The following CPXM2 variants were observed in gnomAD, a reference collection of about 807,000 sequenced individuals.
CPXM2 encodes the protein carboxypeptidase X, M14 family member 2.
A neutral mutation model predicts 86.1 loss-of-function variants in CPXM2; 66 were observed. The observed-to-expected ratio is 0.77, with a 90% CI of 0.63 to 0.94. CPXM2 has a LOEUF of 0.94. Ranked by LOEUF, CPXM2 falls within the 40% of genes least tolerant of loss-of-function variation. CPXM2 has a pLI of 0.00. For missense variants in CPXM2, 948 were observed against 1,026.3 expected, an observed-to-expected ratio of 0.92 and a Z score of 1.04; for synonymous variants, 388 against 400.2, an observed-to-expected ratio of 0.97 and a Z score of 0.36.
chr10:123,767,569 A>C (rs990762328), intron 9 of CPXM2, among the ~76,000 whole-genome samples: 4 of 152,164 alleles, frequency 2.6e-5, no homozygotes, highest in Admixed American at 1.3e-4. Flanking sequence ...TTCCTAACTG[A>C]CTATATCTGC....
chr10:123,810,065 CA>C (rs139180993), intron 4 of CPXM2, among the ~76,000 whole-genome samples: 1,913 of 151,756 alleles, frequency 0.013, 41 homozygotes, highest in African/African-American at 0.044. Context: ...TCCATAAAAG[CA>C]AATACTAAAA....
chr10:123,827,951 C>A (rs1475292611), intron 4 of CPXM2, among the ~76,000 whole-genome samples: 1 of 151,964 alleles, frequency 6.6e-6, no homozygotes, highest in Non-Finnish European at 1.5e-5. Flanking sequence ...ATTACCTAAG[C>A]CCAGGAATTT....
chr10:123,761,733 C>T, intron 11 of CPXM2, 139 bp downstream of exon 11: 2 of 753,550 alleles, frequency 2.7e-6, no homozygotes, highest in Non-Finnish European at 4.3e-6. Context: ...TAGGAAAGTG[C>T]TGGCAGGTCC....
At chr10:123,755,715 T>C (rs1846190541) in intron 12 of CPXM2, among the ~76,000 whole-genome samples, 1 of 152,184 alleles carries the variant, frequency 6.6e-6, no homozygotes, top group South Asian at 2.1e-4. Flanking sequence ...ACTCAAACCT[T>C]ATGCCTCAGT....
At chr10:123,924,877 A>G (rs1341725036) in intron 2 of CPXM2, among the ~76,000 whole-genome samples, 1 of 152,156 alleles carries the variant, frequency 6.6e-6, no homozygotes, top group East Asian at 1.9e-4. Flanking sequence ...TCAGGGTCAA[A>G]GACCCTGATT....
chr10:123,783,554 G>A (rs1846983362), intron 6 of CPXM2, among the ~76,000 whole-genome samples: 1 of 152,164 alleles, frequency 6.6e-6, no homozygotes, highest in South Asian at 2.1e-4. Flanking sequence ...GCCCTTGGAG[G>A]GTAGGATGTG....
intron 4 of CPXM2, among the ~76,000 whole-genome samples, chr10:123,815,059 T>A (rs556768872): frequency 6.6e-6 from 1 of 152,146 alleles, no homozygotes; most frequent in African/African-American, 2.4e-5. Flanking sequence ...ATAAATACAT[T>A]TGACACTCCT....
chr10:123,772,418 GCCCTGGGTGTAGTTATCACCT>G (rs1269843567), intron 7 of CPXM2, among the ~76,000 whole-genome samples: 12 of 138,706 alleles, frequency 8.7e-5, no homozygotes, highest in Non-Finnish European at 1.4e-4. Context: ...GGTTATCACT[GCCCTGGGTGTAGTTATCACCT>G]CCCTGGGTGT....
intron 7 of CPXM2, among the ~76,000 whole-genome samples, chr10:123,772,813 A>G (rs955591080): frequency 7.4e-5 from 11 of 149,254 alleles, no homozygotes; most frequent in African/African-American, 2.7e-4. Context: ...TGTGGCTATC[A>G]CTTCCCTGGT....
In CPXM2 at chr10:123,746,637, T is replaced by C. The variant is rs1204580369; in HGVS notation, c.*127A>G. The stretch of plus-strand genomic sequence containing the variant: ...TTCCCTTTTGGGACCTGCCTCACAA[T>C]GCACCCTCTCTTCCAGGCACTTCTT... On this transcript the variant is annotated 3_prime_UTR_variant, in exon 14 of 14. Coordinates refer to ENST00000241305, the MANE Select transcript of CPXM2 (RefSeq NM_198148.3). 1 of 906,212 alleles carries C rather than the reference T, an allele frequency of 1.1e-6. No individual in the cohort carries two copies. The highest frequency in any genetic ancestry group is 2.4e-5 in the East Asian group (1 of 41,120). 56.1% of individuals were successfully genotyped at this position (906,212 alleles called of 1,614,324 possible). A position where few individuals can be genotyped will look rare whatever the true frequency, so the allele number is the denominator to read the frequency against.
Position 123,754,937 on chromosome 10 carries a change from T to C in CPXM2, c.1918-175A>G, listed in dbSNP as rs1314192521. Among the ~76,000 whole-genome samples, 1 of 152,098 alleles carries C rather than the reference T, an allele frequency of 6.6e-6. No individual in the cohort carries two copies. The highest frequency in any genetic ancestry group is 1.5e-5 in the Non-Finnish European group (1 of 68,018). On this transcript the variant is annotated intron_variant, in intron 12 of 13. Coordinates refer to ENST00000241305, the MANE Select transcript of CPXM2 (RefSeq NM_198148.3). This position sits in a 1 kb window ranked among gnomAD's most constrained non-coding sequence, Gnocchi z 4.0. ...AAGCAGTTCATTGCTCACTGCATTGTTGGGTTCAATTAACAAGGGCGAGGT... is the reference window on the plus strand; with the variant it reads ...AAGCAGTTCATTGCTCACTGCATTGCTGGGTTCAATTAACAAGGGCGAGGT...
intron 2 of CPXM2, among the ~76,000 whole-genome samples, chr10:123,876,961 A>G (rs555179449): frequency 2.0e-5 from 3 of 152,358 alleles, no homozygotes; most frequent in Admixed American, 2.0e-4. Flanking sequence ...TAACTTATCC[A>G]AAGTCTCAAG....
intron 6 of CPXM2, among the ~76,000 whole-genome samples, chr10:123,787,362 A>G (rs538447155): frequency 9.0e-4 from 137 of 151,668 alleles, no homozygotes; most frequent in Non-Finnish European, 1.3e-3. Context: ...TGAGCCCCAA[A>G]CCAAGTGCCT....
chr10:123,875,519 C>A (rs80001141), intron 2 of CPXM2, among the ~76,000 whole-genome samples: 6,141 of 152,274 alleles, frequency 0.04, 169 homozygotes, highest in East Asian at 0.11. Context: ...GACCCAACTT[C>A]GCCCCAGGGA....
At chr10:123,882,757 G>T (rs1945112640) in intron 1 of CPXM2, among the ~76,000 whole-genome samples, 1 of 151,124 alleles carries the variant, frequency 6.6e-6, no homozygotes, top group Non-Finnish European at 1.5e-5. Context: ...GGCCTGGACA[G>T]CTTCCAATGA....
chr10:123,885,953 C>T lies in CPXM2; in HGVS notation c.304+5403G>A, dbSNP rs1945172184. On this transcript the variant is annotated intron_variant, in intron 1 of 13. Transcript: ENST00000241305. This position sits in a 1 kb window ranked among gnomAD's most constrained non-coding sequence, Gnocchi z 4.0. ...CAGCTTTCGCAAACGTGGGTGTGTC[C>T]TCCTTTATTATCCATGCGCGAGCCC... Among the ~76,000 whole-genome samples, 1 of 152,244 alleles carries T rather than the reference C, an allele frequency of 6.6e-6. No homozygotes were observed. Among genetic ancestry groups the T allele is most frequent in the South Asian group, 2.1e-4 (1 of 4,836 alleles).
chr10:123,919,406 G>A (rs892900904), intron 2 of CPXM2, among the ~76,000 whole-genome samples: 2 of 152,120 alleles, frequency 1.3e-5, no homozygotes, highest in African/African-American at 4.8e-5. Context: ...AACATACTAA[G>A]AACCAGATAC....
chr10:123,863,652 C>T (rs919159819), intron 2 of CPXM2, among the ~76,000 whole-genome samples: 7 of 152,200 alleles, frequency 4.6e-5, no homozygotes, highest in Admixed American at 2.0e-4. Flanking sequence ...AATCCTCACA[C>T]GACATACTCA....
chr10:123,936,922 G>A (rs1945726064), intron 2 of CPXM2, among the ~76,000 whole-genome samples: 1 of 152,108 alleles, frequency 6.6e-6, no homozygotes, highest in Admixed American at 6.5e-5. Context: ...ACCAAAGGGG[G>A]AACCCAGCAT....
Sources: allele counts gnomAD v4.1 joint callset (sites outside exome capture counted in the v4.1 genomes callset), GRCh38; gene constraint gnomAD v4.1.1; non-coding constraint Gnocchi (gnomAD v3.1); transcripts MANE v1.5; gene names NCBI Gene and HGNC (gene_info 2026-07-23, HGNC 2026-07-21).